RNASET2: variants seen among roughly 807,000 people sequenced by gnomAD.
RNASET2 encodes the protein ribonuclease T2, also known as ribonuclease 6.
RNASET2 carries 28 observed loss-of-function variants against 33.9 expected under a neutral mutation model. The ratio of observed to expected loss-of-function variants is 0.83; its 90% CI spans 0.61 to 1.13. RNASET2 has a LOEUF of 1.13. Among genes scored for constraint, RNASET2 ranks in the 50% most tolerant of loss-of-function variants. RNASET2 has a pLI of 0.00. For missense variants in RNASET2, 330 were observed against 319.9 expected (o/e 1.03, Z -0.24); for synonymous variants, 123 against 121.0 (o/e 1.02, Z -0.11).
Position 166,925,555 on chromosome 6 carries a change from A to G in RNASET2, c.*4033T>C, listed in dbSNP as rs1318404850. Among the ~76,000 whole-genome samples the G allele has an allele frequency of 6.6e-6, 1 of 151,692 alleles. No individual in the cohort carries two copies. The highest frequency in any genetic ancestry group is 1.5e-5 in the Non-Finnish European group (1 of 67,884). On this transcript the variant is annotated 3_prime_UTR_variant, in exon 9 of 9. Transcript: ENST00000508775. Reference sequence around the variant, plus strand: ...CCCCCGTCCAGCCCTCACCTCCATCATGCAGCCACTGTCTCTGCTGTCCAG... The same window carrying G: ...CCCCCGTCCAGCCCTCACCTCCATCGTGCAGCCACTGTCTCTGCTGTCCAG...
At position 166,926,685 on chromosome 6, in the gene RNASET2, G is replaced by A. The variant is rs1373145272; in HGVS notation, c.*2903C>T. On this transcript the variant is annotated 3_prime_UTR_variant, in exon 9 of 9. Transcript: ENST00000508775. The stretch of plus-strand genomic sequence containing the variant: ...GGTGACAAAGCATTGTCCCCTCCCA[G>A]GCCAAGAGAAATGCTCTTGGGTACA... Among the ~76,000 whole-genome samples, 9 of 152,190 alleles carry A rather than the reference G, an allele frequency of 5.9e-5. No homozygotes were observed. The highest frequency in any genetic ancestry group is 5.9e-4 in the Admixed American group (9 of 15,284).
chr6:166,955,825 G>T, intron 1 of RNASET2: 1 of 907,546 alleles, frequency 1.1e-6, no homozygotes, highest in Non-Finnish European at 1.3e-6. Flanking sequence ...GCGTGCTCAG[G>T]ACTCCCCTCA....
intron 3 of RNASET2, 162 bp downstream of exon 3, chr6:166,948,408 G>A (rs1364800132): frequency 1.4e-6 from 1 of 702,294 alleles, no homozygotes; most frequent in Admixed American, 2.0e-5. Context: ...AGAGAATCAG[G>A]GTTCTGCTAG....
chr6:166,941,593 G>A (rs1361196409), intron 5 of RNASET2, among the ~76,000 whole-genome samples: 5 of 152,106 alleles, frequency 3.3e-5, no homozygotes, highest in Admixed American at 2.0e-4. Context: ...GTGATTCAAC[G>A]CACAGACTGA....
intron 2 of RNASET2, among the ~76,000 whole-genome samples, chr6:166,949,359 G>A (rs577757993): frequency 1.2e-3 from 188 of 151,600 alleles, no homozygotes; most frequent in African/African-American, 4.0e-3. Context: ...AAATTAGCCA[G>A]GTGTGGTGGT....
In RNASET2 at chr6:166,953,058, G is replaced by C. The variant is rs960017089; in HGVS notation, c.87-510C>G. The C allele has an allele frequency of 1.5e-5, 3 of 204,830 alleles. No individual in the cohort carries two copies. The Admixed American group carries it at 1.6e-4, about 11-fold the overall frequency. The allele number at this position is 204,830 out of a possible 1,614,324, so 12.7% of individuals were successfully genotyped here. A position where few individuals can be genotyped will look rare whatever the true frequency, so the allele number is the denominator to read the frequency against. On this transcript the variant is annotated intron_variant, in intron 1 of 8. Coordinates refer to ENST00000508775, the MANE Select transcript of RNASET2 (RefSeq NM_003730.6). ...CCAACTCAGTTTTTAGACTTCACTT[G>C]CTTCTCTGCAGAATTTGTGTCATTT...
At chr6:166,944,295 C>A (rs1778773410) in intron 4 of RNASET2, among the ~76,000 whole-genome samples, 1 of 152,120 alleles carries the variant, frequency 6.6e-6, no homozygotes, top group Non-Finnish European at 1.5e-5. Context: ...AAAAAAACCC[C>A]AAAAAGGTCA....
intron 5 of RNASET2, among the ~76,000 whole-genome samples, chr6:166,939,468 C>T (rs1156554374): frequency 6.6e-6 from 1 of 152,212 alleles, no homozygotes; most frequent in Non-Finnish European, 1.5e-5. Context: ...GCAACATAGG[C>T]AATTATTTCA....
chr6:166,933,924 T>G lies in RNASET2; in HGVS notation c.492+167A>C, dbSNP rs574079969. The G allele has an allele frequency of 1.4e-3, 923 of 681,484 alleles. 1 individual carries two copies. The highest frequency in any genetic ancestry group is 1.8e-3 in the Non-Finnish European group (671 of 374,554). 42.2% of individuals were successfully genotyped at this position (681,484 alleles called of 1,614,324 possible). ...AGCAGCCTTCAGCTCCTACTCAACA[T>G]GCGCAGGAAAATAAAATGCAAATAA... On this transcript the variant is annotated intron_variant, in intron 7 of 8. Coordinates refer to ENST00000508775, the MANE Select transcript of RNASET2 (RefSeq NM_003730.6). The surrounding 1 kb of genome is among the most constrained non-coding windows in gnomAD (Gnocchi z 4.1).
Position 166,949,159 on chromosome 6 carries a change from T to C in RNASET2, c.148-534A>G, listed in dbSNP as rs149861182. Among the ~76,000 whole-genome samples, 647 of 132,866 alleles carry C rather than the reference T, an allele frequency of 4.9e-3. 9 individuals carry two copies. The highest frequency in any genetic ancestry group is 0.022 in the Middle Eastern group (4 of 186). 87.2% of individuals were successfully genotyped at this position (132,866 alleles called of 152,430 possible). ...AACTCAGTGAGCCGAGATCATGCCA[T>C]TGCACTCCAGCCTAGGTGACAAGAA... On this transcript the variant is annotated intron_variant, in intron 2 of 8. Transcript: ENST00000508775.
At chr6:166,955,331 GCACGCACACGCACACGCACGCACA>G (rs1562507406) in intron 1 of RNASET2, among the ~76,000 whole-genome samples, 10 of 50,670 alleles carry the variant, frequency 2.0e-4, no homozygotes, top group African/African-American at 3.4e-4. Context: ...ACACACGCAC[GCACGCACACGCACACGCACGCACA>G]CACACACGCA....
At position 166,951,491 on chromosome 6, in the gene RNASET2, G is replaced by C. The variant is rs73789710; in HGVS notation, c.147+997C>G. ...TAGGCACTGACGCTACCACTAGACCGAGGTCAGCTAAGTAATGGTTGCCTT... is the reference window on the plus strand; with the variant it reads ...TAGGCACTGACGCTACCACTAGACCCAGGTCAGCTAAGTAATGGTTGCCTT... On this transcript the variant is annotated intron_variant, in intron 2 of 8. Coordinates refer to ENST00000508775, the MANE Select transcript of RNASET2 (RefSeq NM_003730.6). Among the ~76,000 whole-genome samples, 8 of 151,564 alleles carry C rather than the reference G, an allele frequency of 5.3e-5. No homozygotes were observed. In the East Asian group the frequency reaches 1.4e-3, roughly 26 times the overall value.
chr6:166,938,810 C>A (rs1465564332), intron 6 of RNASET2, 85 bp downstream of exon 6: 1 of 935,670 alleles, frequency 1.1e-6, no homozygotes, highest in African/African-American at 1.6e-5. Context: ...GAGGTCTACA[C>A]CCACTCCCCT....
intron 6 of RNASET2, among the ~76,000 whole-genome samples, chr6:166,937,848 T>C (rs190389130): frequency 2.0e-5 from 3 of 152,214 alleles, no homozygotes; most frequent in Admixed American, 2.0e-4. Flanking sequence ...GATGTAATCT[T>C]GATCCCCGCT....
chr6:166,955,375 GCACACGCACACACACACA>G (rs1562507716), intron 1 of RNASET2: 5 of 228,502 alleles, frequency 2.2e-5, no homozygotes, highest in Admixed American at 5.2e-4. Context: ...ACACACAAAC[GCACACGCACACACACACA>G]CGCGCACACA....
In RNASET2 at chr6:166,924,118, A is replaced by G. The variant is rs1337442649; in HGVS notation, c.*5470T>C. 2.0e-5 allele frequency among the ~76,000 whole-genome samples: 3 copies of G among 152,142 alleles called. No homozygotes were observed. The highest frequency in any genetic ancestry group is 7.2e-5 in the African/African-American group (3 of 41,426). On this transcript the variant is annotated 3_prime_UTR_variant, in exon 9 of 9. Transcript: ENST00000508775. ...CATTCTCTTTTTTTCTTTTTTTGAAACGGAGTCTTGCTCTGTCATCCAGAC... is the reference window on the plus strand; with the variant it reads ...CATTCTCTTTTTTTCTTTTTTTGAAGCGGAGTCTTGCTCTGTCATCCAGAC...
rs115275645 is a variant in RNASET2 at position 166,927,545 on chromosome 6, C to T, written c.*2043G>A. ...AAAAAAGAATGGCTTCTTTAAAAACCGCAAAGGCCAGCCGACTGCAGACAG... is the reference window on the plus strand; with the variant it reads ...AAAAAAGAATGGCTTCTTTAAAAACTGCAAAGGCCAGCCGACTGCAGACAG... On this transcript the variant is annotated 3_prime_UTR_variant, in exon 9 of 9. Transcript: ENST00000508775. Among the ~76,000 whole-genome samples the T allele has an allele frequency of 0.015, 2,023 of 139,468 alleles. 31 individuals carry two copies. The highest frequency in any genetic ancestry group is 0.059 in the African/African-American group (1,913 of 32,472). The allele number at this position is 139,468 out of a possible 152,430, so 91.5% of individuals were successfully genotyped here. A position where few individuals can be genotyped will look rare whatever the true frequency, so the allele number is the denominator to read the frequency against.
chr6:166,922,849 T>C lies in RNASET2; in HGVS notation c.*6739A>G, dbSNP rs1186034941. Among the ~76,000 whole-genome samples the C allele has an allele frequency of 6.6e-6, 1 of 152,148 alleles. No homozygotes were observed. The highest frequency in any genetic ancestry group is 6.5e-5 in the Admixed American group (1 of 15,270). On this transcript the variant is annotated 3_prime_UTR_variant, in exon 9 of 9. Coordinates refer to ENST00000508775, the MANE Select transcript of RNASET2 (RefSeq NM_003730.6). The stretch of plus-strand genomic sequence containing the variant: ...GTCATCAAGACAGAAGAGCAGATGG[T>C]GACAGGTACCAACCACCAAAGCTGT...
At position 166,943,223 on chromosome 6, in the gene RNASET2, C is replaced by T. The variant is rs1778735873; in HGVS notation, c.262-134G>A. ...ACAATACTTTGGTGAATAAAATAATCCTATGCTTATTTTGTATGAAGTGTT... is the reference window on the plus strand; with the variant it reads ...ACAATACTTTGGTGAATAAAATAATTCTATGCTTATTTTGTATGAAGTGTT... On this transcript the variant is annotated intron_variant, in intron 4 of 8. Coordinates refer to ENST00000508775, the MANE Select transcript of RNASET2 (RefSeq NM_003730.6). 1.0e-5 allele frequency: 7 copies of T among 673,178 alleles called. No homozygotes were observed. In the Admixed American group the frequency reaches 1.6e-4, roughly 15 times the overall value. The allele number at this position is 673,178 out of a possible 1,614,324, so 41.7% of individuals were successfully genotyped here. A position where few individuals can be genotyped will look rare whatever the true frequency, so the allele number is the denominator to read the frequency against.
Sources: allele counts gnomAD v4.1 joint callset (sites outside exome capture counted in the v4.1 genomes callset), GRCh38; gene constraint gnomAD v4.1.1; non-coding constraint Gnocchi (gnomAD v3.1); transcripts MANE v1.5; gene names NCBI Gene and HGNC (gene_info 2026-07-23, HGNC 2026-07-21).